Variants in PDE1C observed in about 807,000 individuals in gnomAD.
PDE1C encodes dual specificity calcium/calmodulin-dependent 3',5'-cyclic nucleotide phosphodiesterase 1C.
PDE1C carries 62 observed loss-of-function variants against 93.1 expected under a neutral mutation model. That is an observed-to-expected ratio of 0.67 (90% CI 0.54 to 0.82). The LOEUF is 0.82. Ranked by LOEUF, PDE1C falls within the 40% of genes least tolerant of loss-of-function variation. PDE1C has a pLI of 0.00. For missense variants in PDE1C, 742 were observed against 884.6 expected, an observed-to-expected ratio of 0.84 and a Z score of 2.04; for synonymous variants, 325 against 310.1, an observed-to-expected ratio of 1.05 and a Z score of -0.50.
At chr7:31,731,516 G>T in the PDE1C span, among the ~76,000 whole-genome samples, 1 of 152,110 alleles carries the variant, frequency 6.6e-6, no homozygotes, top group African/African-American at 2.4e-5. Context: ...TCAGCCTCCT[G>T]AGTAGCTGGG....
chr7:32,156,899 A>G (rs1801607743), intron 3 of PDE1C, among the ~76,000 whole-genome samples: 1 of 152,330 alleles, frequency 6.6e-6, no homozygotes, highest in Non-Finnish European at 1.5e-5. Context: ...TGACAAAGGT[A>G]CCCTGACAGT....
intron 7 of PDE1C, chr7:31,851,038 C>A (rs1793260713): frequency 3.1e-6 from 1 of 322,054 alleles, no homozygotes; most frequent in African/African-American, 2.1e-5. Context: ...CCTCCCCCAA[C>A]TTCCAAATAA....
At chr7:32,170,026 A>C (rs1180467540) in intron 2 of PDE1C, 1 of 1,344,476 alleles carries the variant, frequency 7.4e-7, no homozygotes, top group South Asian at 1.3e-5. Flanking sequence ...GCCTTCCCCA[A>C]CTCAGGATCT....
the PDE1C span, among the ~76,000 whole-genome samples, chr7:31,671,108 C>A: frequency 2.6e-5 from 4 of 152,202 alleles, no homozygotes; most frequent in Non-Finnish European, 5.9e-5. Flanking sequence ...CGACCTAATT[C>A]CTCCTGGACA....
At chr7:31,944,730 T>C (rs1471625852) in intron 2 of PDE1C, among the ~76,000 whole-genome samples, 2 of 152,198 alleles carry the variant, frequency 1.3e-5, no homozygotes, top group Non-Finnish European at 2.9e-5. Context: ...ATTTCCAGCA[T>C]CTTGTAAACA....
At chr7:32,104,597 TA>T (rs1256922254) in intron 3 of PDE1C, among the ~76,000 whole-genome samples, 3 of 152,110 alleles carry the variant, frequency 2.0e-5, no homozygotes, top group Non-Finnish European at 4.4e-5. Context: ...ATATACACAC[TA>T]AATATTGACG....
the PDE1C span, among the ~76,000 whole-genome samples, chr7:31,641,217 C>T: frequency 3.3e-5 from 5 of 152,188 alleles, no homozygotes; most frequent in South Asian, 2.1e-4. Flanking sequence ...TTGAACTCTT[C>T]GTCAGCAGTT....
At chr7:31,984,484 C>T (rs1368809793) in intron 2 of PDE1C, among the ~76,000 whole-genome samples, 2 of 152,170 alleles carry the variant, frequency 1.3e-5, no homozygotes, top group African/African-American at 4.8e-5. Context: ...CTCAAAGTCG[C>T]TCCTTGTTTT....
intron 17 of PDE1C, among the ~76,000 whole-genome samples, chr7:31,754,629 A>G (rs1462465970): frequency 6.6e-6 from 1 of 152,252 alleles, no homozygotes; most frequent in Non-Finnish European, 1.5e-5. Flanking sequence ...AAGTGAAAGA[A>G]GTCAGTCTGT....
chr7:31,732,634 C>G, the PDE1C span, among the ~76,000 whole-genome samples: 1 of 72,844 alleles, frequency 1.4e-5, no homozygotes, highest in African/African-American at 7.2e-5. Context: ...TCTCTCCTCT[C>G]TTTCTGTGTG....
the PDE1C span, among the ~76,000 whole-genome samples, chr7:31,648,532 G>T: frequency 6.6e-6 from 1 of 152,094 alleles, no homozygotes; most frequent in South Asian, 2.1e-4. Context: ...ACCATTCTCA[G>T]AGAGCAAACA....
At chr7:32,382,155 C>T (rs549988931) in intron 1 of PDE1C, among the ~76,000 whole-genome samples, 1 of 152,272 alleles carries the variant, frequency 6.6e-6, no homozygotes, top group African/African-American at 2.4e-5. Context: ...AGCACCTGCT[C>T]TCTTAACCAC....
At chr7:31,983,692 A>G (rs909689456) in intron 2 of PDE1C, among the ~76,000 whole-genome samples, 1 of 152,162 alleles carries the variant, frequency 6.6e-6, no homozygotes, top group Non-Finnish European at 1.5e-5. Context: ...ACAGACCTTT[A>G]GTGTCTCAAA....
chr7:32,240,565 A>T (rs1334675786), intron 1 of PDE1C, among the ~76,000 whole-genome samples: 1 of 152,200 alleles, frequency 6.6e-6, no homozygotes, highest in Non-Finnish European at 1.5e-5. Flanking sequence ...GAAACATCTG[A>T]GCTGGTGAAA....
chr7:32,317,505 T>C (rs1410289867), intron 1 of PDE1C, among the ~76,000 whole-genome samples: 1 of 152,040 alleles, frequency 6.6e-6, no homozygotes, highest in African/African-American at 2.4e-5. Context: ...CCCACTCCCC[T>C]GGCCCACAAT....
chr7:31,940,289 T>C (rs1805643288), intron 2 of PDE1C, among the ~76,000 whole-genome samples: 1 of 152,134 alleles, frequency 6.6e-6, no homozygotes, highest in Admixed American at 6.5e-5. Flanking sequence ...TGTGCTGTAG[T>C]TTCTCCTCTG....
At chr7:31,999,255 G>T (rs1297298789) in intron 2 of PDE1C, among the ~76,000 whole-genome samples, 1 of 152,170 alleles carries the variant, frequency 6.6e-6, no homozygotes, top group Non-Finnish European at 1.5e-5. Flanking sequence ...TCAGGGCACA[G>T]TCCTATGGAA....
At chr7:31,831,476 G>GCACA (rs3842163) in intron 11 of PDE1C, among the ~76,000 whole-genome samples, 12,616 of 141,074 alleles carry the variant, frequency 0.089, 612 homozygotes, top group East Asian at 0.22. Context: ...GGAAGTAAAG[G>GCACA]CACACACACA....
chr7:32,048,860 T>C (rs1248194564), intron 2 of PDE1C, among the ~76,000 whole-genome samples: 1 of 152,164 alleles, frequency 6.6e-6, no homozygotes, highest in Non-Finnish European at 1.5e-5. Context: ...ATAAAGCTTG[T>C]TCAACATAAT....
Sources: gnomAD v4.1 joint callset for allele counts (sites outside exome capture counted in the v4.1 genomes callset) on GRCh38, gnomAD v4.1.1 for gene constraint, MANE v1.5 for transcripts, NCBI Gene and HGNC (gene_info 2026-07-23, HGNC 2026-07-21) for gene names.